Variants in MYOM1 observed in about 807,000 individuals in gnomAD.
The protein encoded by MYOM1 is myomesin 1.
MYOM1 carries 164 observed loss-of-function variants against 205.3 expected under a neutral mutation model. The ratio of observed to expected loss-of-function variants is 0.80; its 90% confidence interval spans 0.70 to 0.91. The LOEUF (loss-of-function observed/expected upper bound fraction) is 0.91. Ranked by LOEUF, MYOM1 falls within the 40% of genes least tolerant of loss-of-function variation. The pLI, the probability that MYOM1 is intolerant of heterozygous loss-of-function variation, is 0.00. For missense variants in MYOM1, 2,011 were observed against 2,127.3 expected, an observed-to-expected ratio of 0.95 and a Z score of 1.08; for synonymous variants, 772 against 789.4, an observed-to-expected ratio of 0.98 and a Z score of 0.37.
chr18:3,246,133 C>G, the MYOM1 span: 1 of 152,412 alleles, frequency 6.6e-6, no homozygotes, highest in Non-Finnish European at 1.5e-5. Flanking sequence ...ACTGAACTGT[C>G]CGTTTCTTTC....
intron 25 of MYOM1, among the ~76,000 whole-genome samples, chr18:3,098,275 TTTTA>T (rs1440724531): frequency 4.6e-5 from 7 of 152,082 alleles, no homozygotes; most frequent in Non-Finnish European, 7.4e-5. Context: ...TTTATTTTAT[TTTTA>T]TTTATTTTTA....
In MYOM1 at chr18:3,154,650, C is replaced by CATACACAT. The variant is rs1555624103; in HGVS notation, c.1643+296_1643+297insATGTGTAT. On this transcript the variant is annotated intron_variant, in intron 11 of 37. Transcript: ENST00000356443. ...ACACACACACACACACACACACACA[C>CATACACAT]ATTTATAATGGGTATATATACCCAT... Among the ~76,000 whole-genome samples the CATACACAT allele has an allele frequency of 2.1e-3, 311 of 148,956 alleles. 1 individual carries two copies. Among genetic ancestry groups the CATACACAT allele is most frequent in the African/African-American group, 7.0e-3 (285 of 40,760 alleles).
chr18:3,083,824 G>A lies in MYOM1; in HGVS notation c.4449C>T (p.Tyr1483=). ...AGTTAACTTTCAAATCCTCCACATA[G>A]TAAGTTACAAAAGAGTACAGTTGGA... ...EGIQLYSFVT[Y]YVEDLKVNWS... Residue 1483 remains tyrosine, a synonymous_variant, in exon 33 of 38, where the codon TAC becomes TAT. Transcript: ENST00000356443. 1 of 1,579,590 alleles carries A rather than the reference G, an allele frequency of 6.3e-7. No individual in the cohort carries two copies. The highest frequency in any genetic ancestry group is 8.6e-7 in the Non-Finnish European group (1 of 1,161,374).
Position 3,141,808 on chromosome 18 carries a change from T to C in MYOM1, c.2025+131A>G, listed in dbSNP as rs375214434. ...TTCTATGGAGACAGTTCACAGTTGA[T>C]AACAATCTAGTGAGATCAGGACATG... On this transcript the variant is annotated intron_variant, in intron 14 of 37. Transcript: ENST00000356443. 5.2e-6 allele frequency: 6 copies of C among 1,159,530 alleles called. No individual in the cohort carries two copies. In the African/African-American group the frequency reaches 7.6e-5, roughly 15 times the overall value. 71.8% of individuals were successfully genotyped at this position (1,159,530 alleles called of 1,614,324 possible).
At chr18:3,146,364 A>T (rs1357634311) in intron 13 of MYOM1, among the ~76,000 whole-genome samples, 1 of 152,168 alleles carries the variant, frequency 6.6e-6, no homozygotes, top group African/African-American at 2.4e-5. Flanking sequence ...TTTAGCAAAT[A>T]AACTCCAGCA....
At chr18:3,108,046 C>T (rs6506062) in intron 22 of MYOM1, among the ~76,000 whole-genome samples, 28,936 of 152,098 alleles carry the variant, frequency 0.19, 2,879 homozygotes, top group East Asian at 0.2. Context: ...AGACTGACCC[C>T]ACCCAGACTC....
intron 2 of MYOM1, among the ~76,000 whole-genome samples, chr18:3,194,266 T>C (rs1348913260): frequency 1.3e-5 from 2 of 152,226 alleles, no homozygotes; most frequent in Admixed American, 1.3e-4. Context: ...CCCTTTTGTG[T>C]TAATGTCATG....
chr18:3,112,772 C>G (rs901574028), intron 21 of MYOM1, among the ~76,000 whole-genome samples: 6 of 152,188 alleles, frequency 3.9e-5, no homozygotes, highest in Admixed American at 3.9e-4. Flanking sequence ...ATACAAAGTG[C>G]TCATTATAGC....
intron 4 of MYOM1, 68 bp downstream of exon 4, chr18:3,188,666 TACACACACACACAC>T: frequency 1.8e-6 from 2 of 1,113,520 alleles, no homozygotes; most frequent in Non-Finnish European, 2.5e-6. Context: ...AATCTATATC[TACACACACACACAC>T]ACACACACAC....
chr18:3,172,052 C>T (rs1178878570), intron 8 of MYOM1, among the ~76,000 whole-genome samples: 1 of 152,182 alleles, frequency 6.6e-6, no homozygotes, highest in Admixed American at 6.5e-5. Flanking sequence ...ACTTCATAAG[C>T]TTCTGGGAAA....
In MYOM1 at chr18:3,164,441, T is replaced by A; in HGVS notation, c.1340-2A>T. On this transcript the variant is annotated splice_acceptor_variant, in intron 9 of 37. Coordinates refer to ENST00000356443, the MANE Select transcript of MYOM1 (RefSeq NM_003803.4). LOFTEE classifies it high-confidence loss of function. ...ATTTTGATGGAGAAAGAGGTACTCC[T>A]AGAAATATTTTAAAAGTAAGCAAAT... is the stretch of plus-strand genomic sequence containing the variant. 1 of 1,581,848 alleles carries A rather than the reference T, an allele frequency of 6.3e-7. No homozygotes were observed.
chr18:3,090,875 T>C (rs1048274171), intron 26 of MYOM1, 73 bp from the exon 27 acceptor site: 111 of 1,581,802 alleles, frequency 7.0e-5, no homozygotes, highest in Non-Finnish European at 9.3e-5. Context: ...ACAAGCTTGA[T>C]GAAATAAAAA....
chr18:3,132,972 T>C (rs577841823), intron 16 of MYOM1, among the ~76,000 whole-genome samples: 6 of 152,160 alleles, frequency 3.9e-5, no homozygotes, highest in South Asian at 4.2e-4. Flanking sequence ...AAAGGAGCCA[T>C]AATCTAGGCC....
chr18:3,136,485 G>A (rs1380974519), intron 14 of MYOM1, among the ~76,000 whole-genome samples: 2 of 151,944 alleles, frequency 1.3e-5, no homozygotes, highest in Non-Finnish European at 2.9e-5. Flanking sequence ...GAGTACAGTG[G>A]CACAATCACG....
intron 37 of MYOM1, among the ~76,000 whole-genome samples, chr18:3,070,237 C>G (rs1174377947): frequency 6.6e-6 from 1 of 152,154 alleles, no homozygotes; most frequent in South Asian, 2.1e-4. Context: ...CAGCTTTGAC[C>G]TCCTGGGCTC....
rs190414923 is a variant in MYOM1 at position 3,136,967 on chromosome 18, T to C, written c.2026-1237A>G. On this transcript the variant is annotated intron_variant, in intron 14 of 37. Coordinates refer to ENST00000356443, the MANE Select transcript of MYOM1 (RefSeq NM_003803.4). ...TTCTTTCTTTTTTCTTTTTTTTTTT[T>C]TGAGACGGAGTCTCGCTGGGTCGCC... Among the ~76,000 whole-genome samples, 530 of 151,948 alleles carry C rather than the reference T, an allele frequency of 3.5e-3. 2 individuals carry two copies. Among genetic ancestry groups the C allele is most frequent in the African/African-American group, 0.012 (479 of 41,492 alleles).
chr18:3,230,455 C>T, the MYOM1 span, among the ~76,000 whole-genome samples: 5 of 152,232 alleles, frequency 3.3e-5, no homozygotes, highest in Non-Finnish European at 7.3e-5. Flanking sequence ...ATTGAAAGTG[C>T]CTCTGATTTG....
At position 3,094,182 on chromosome 18, in the gene MYOM1, A is replaced by T; in HGVS notation, c.3852T>A (p.Ile1284=). The change falls in exon 26 of 38, where the codon ATT becomes ATA. Residue 1284 remains isoleucine, a synonymous_variant. Coordinates refer to ENST00000356443, the MANE Select transcript of MYOM1 (RefSeq NM_003803.4). ...KVNYIFNEKE[I]FEGPKYKMHI... is the part of the protein sequence containing the mutation. ...GTGTAAAACCTACCGGGCCTTCAAA[A>T]ATTTCCTTCTCGTTAAATATGTAGT... The T allele has an allele frequency of 6.2e-7, 1 of 1,613,908 alleles. No homozygotes were observed. The highest frequency in any genetic ancestry group is 8.5e-7 in the Non-Finnish European group (1 of 1,179,872).
In MYOM1 at chr18:3,090,775, T is replaced by C; in HGVS notation, c.3892A>G (p.Thr1298Ala). 1 of 1,613,980 alleles carries C rather than the reference T, an allele frequency of 6.2e-7. No individual in the cohort carries two copies. Among genetic ancestry groups the C allele is most frequent in the South Asian group, 1.1e-5 (1 of 91,076 alleles). The change falls in exon 27 of 38, where the codon ACT becomes GCT. Residue 1298 changes from threonine to alanine, a missense_variant. Coordinates refer to ENST00000356443, the MANE Select transcript of MYOM1 (RefSeq NM_003803.4). ...TCCATGAACATTTCGATGATGCCAG[T>C]GTTTCGGTCAATATGCATTTTATAT... ...PKYKMHIDRN[T>A]GIIEMFMEKL...
Sources: allele counts gnomAD v4.1 joint callset (sites outside exome capture counted in the v4.1 genomes callset), GRCh38; gene constraint gnomAD v4.1.1; transcripts MANE v1.5; gene names NCBI Gene and HGNC (gene_info 2026-07-23, HGNC 2026-07-21).